PRR23E: variants seen among roughly 807,000 people sequenced by gnomAD.
PRR23E encodes the protein PRR23 family member E.
chr3:127,194,165 CA>C, the PRR23E span, among the ~76,000 whole-genome samples: 55 of 152,240 alleles, frequency 3.6e-4, no homozygotes, highest in African/African-American at 1.3e-3. Flanking sequence ...GTATCATGCA[CA>C]AAGGGCCTTC....
chr3:127,197,156 A>C, the PRR23E span: 1 of 1,593,132 alleles, frequency 6.3e-7, no homozygotes, highest in African/African-American at 1.3e-5. Context: ...CCCAGGTGGG[A>C]TGCTGGACTC....
the PRR23E span, among the ~76,000 whole-genome samples, chr3:127,195,931 G>C: frequency 6.6e-6 from 1 of 152,172 alleles, no homozygotes; most frequent in African/African-American, 2.4e-5. Context: ...TACCTGATGT[G>C]CCCTCTCCTG....
At chr3:127,196,480 C>A in the PRR23E span, 1 of 753,052 alleles carries the variant, frequency 1.3e-6, no homozygotes, top group Non-Finnish European at 2.1e-6. Flanking sequence ...CCTGGAGATG[C>A]CTTGATCTTG....
the PRR23E span, chr3:127,197,207 C>T: frequency 6.3e-7 from 1 of 1,596,716 alleles, no homozygotes; most frequent in South Asian, 1.1e-5. Context: ...AGGGGCCATC[C>T]AGAGGAGCTC....
the PRR23E span, among the ~76,000 whole-genome samples, chr3:127,195,202 C>G: frequency 6.6e-6 from 1 of 152,192 alleles, no homozygotes; most frequent in Admixed American, 6.5e-5. Context: ...GGAGTGGGTC[C>G]TTGGCACACA....
chr3:127,197,462 T>C, the PRR23E span: 17 of 1,431,624 alleles, frequency 1.2e-5, no homozygotes, highest in African/African-American at 1.4e-5. Flanking sequence ...ACATGTCTGG[T>C]GGAGCCCAGC....
At chr3:127,197,391 C>T in the PRR23E span, 73 of 1,557,176 alleles carry the variant, frequency 4.7e-5, 2 homozygotes, top group South Asian at 5.5e-4. Context: ...CTGCAGGGCC[C>T]GCCGCCGCCT....
At chr3:127,196,825 T>C in the PRR23E span, 1 of 1,598,868 alleles carries the variant, frequency 6.3e-7, no homozygotes, top group Non-Finnish European at 8.5e-7. Context: ...TGTACCTGCT[T>C]GGGAGCCCAG....
chr3:127,197,014 G>A, the PRR23E span: 5 of 1,597,526 alleles, frequency 3.1e-6, no homozygotes, highest in Admixed American at 8.3e-5. Context: ...GGCGCCTCCA[G>A]CTTTGACCCC....
At chr3:127,196,740 G>T in the PRR23E span, 6 of 1,594,752 alleles carry the variant, frequency 3.8e-6, no homozygotes, top group Non-Finnish European at 4.2e-6. Context: ...CCGTGCCTTC[G>T]AGGCCTCCGA....
At chr3:127,197,370 T>TCCC in the PRR23E span, 3 of 1,576,514 alleles carry the variant, frequency 1.9e-6, no homozygotes, top group Non-Finnish European at 2.6e-6. Context: ...CCGCTCCTCC[T>TCCC]CCCGGTCACC....
the PRR23E span, chr3:127,197,937 C>T: frequency 5.3e-5 from 8 of 152,366 alleles, no homozygotes; most frequent in African/African-American, 1.9e-4. Flanking sequence ...CACTCAAGCA[C>T]TTTGGAACCC....
chr3:127,196,670 G>A, the PRR23E span: 4 of 1,576,020 alleles, frequency 2.5e-6, no homozygotes, highest in Non-Finnish European at 3.4e-6. Flanking sequence ...GCTTTGAAGA[G>A]CACAGCTCAT....
At chr3:127,197,371 C>T in the PRR23E span, 1 of 1,577,804 alleles carries the variant, frequency 6.3e-7, no homozygotes, top group African/African-American at 1.3e-5. Flanking sequence ...CGCTCCTCCT[C>T]CCGGTCACCC....
At chr3:127,196,787 G>C in the PRR23E span, 1 of 1,597,648 alleles carries the variant, frequency 6.3e-7, no homozygotes, top group Non-Finnish European at 8.5e-7. Flanking sequence ...CAACCCCCTG[G>C]GTGGCCATGG....
chr3:127,193,468 C>T, the PRR23E span, among the ~76,000 whole-genome samples: 2 of 152,080 alleles, frequency 1.3e-5, no homozygotes, highest in Non-Finnish European at 2.9e-5. Flanking sequence ...GCGTCGCACC[C>T]CACCCTATGA....
the PRR23E span, chr3:127,196,839 G>A: frequency 6.3e-6 from 10 of 1,599,062 alleles, no homozygotes; most frequent in South Asian, 1.1e-4. Flanking sequence ...AGCCCAGCCT[G>A]TAACTGACCT....
At chr3:127,194,265 C>T in the PRR23E span, among the ~76,000 whole-genome samples, 1 of 151,976 alleles carries the variant, frequency 6.6e-6, no homozygotes, top group African/African-American at 2.4e-5. Context: ...TTCCCTGGGC[C>T]ACACTGGAAG....
the PRR23E span, chr3:127,196,655 TC>T: frequency 1.3e-6 from 2 of 1,551,206 alleles, no homozygotes; most frequent in South Asian, 2.4e-5. Flanking sequence ...GCCAGACACT[TC>T]GGGGCTTTGA....
Sources: allele counts gnomAD v4.1 joint callset (sites outside exome capture counted in the v4.1 genomes callset), GRCh38; gene constraint gnomAD v4.1.1; transcripts MANE v1.5; gene names NCBI Gene and HGNC (gene_info 2026-07-23, HGNC 2026-07-21).